ALPK1: variants seen among roughly 807,000 people sequenced by gnomAD.
ALPK1 encodes alpha kinase 1.
Under a neutral mutation model 120.6 loss-of-function variants are expected in ALPK1, and 110 were observed. The ratio of observed to expected loss-of-function variants is 0.91; its 90% CI spans 0.78 to 1.07. ALPK1 has a LOEUF of 1.07. Ranked by LOEUF, ALPK1 falls within the 50% of genes least tolerant of loss-of-function variation. ALPK1 has a pLI of 0.00. For missense variants in ALPK1, 1,498 were observed against 1,483.9 expected (o/e 1.01, Z -0.16); for synonymous variants, 582 against 560.3 (o/e 1.04, Z -0.55).
Position 112,312,594 on chromosome 4 carries a change from A to G in ALPK1, c.-152-3207A>G, listed in dbSNP as rs527705016. ...GCCTAGATTCTTAAAAATATATTAA[A>G]GACAAATACAGCATGGAGACTCTTT... On this transcript the variant is annotated intron_variant, in intron 1 of 15. Transcript: ENST00000650871. Among the ~76,000 whole-genome samples the G allele has an allele frequency of 2.0e-5, 3 of 152,326 alleles. No homozygotes were observed. The East Asian group carries it at 5.8e-4, about 29-fold the overall frequency.
intron 2 of ALPK1, among the ~76,000 whole-genome samples, chr4:112,318,737 C>G (rs772938881): frequency 6.6e-6 from 1 of 152,144 alleles, no homozygotes; most frequent in Non-Finnish European, 1.5e-5. Context: ...GCATGAGAAG[C>G]TGAAATGAAA....
At chr4:112,399,047 G>A (rs1476479408) in intron 4 of ALPK1, among the ~76,000 whole-genome samples, 1 of 152,180 alleles carries the variant, frequency 6.6e-6, no homozygotes, top group African/African-American at 2.4e-5. Context: ...TCCAACTTGG[G>A]CTATGGCGGG....
At chr4:112,386,550 T>C (rs1732160440) in intron 4 of ALPK1, among the ~76,000 whole-genome samples, 1 of 152,206 alleles carries the variant, frequency 6.6e-6, no homozygotes, top group East Asian at 1.9e-4. Flanking sequence ...GGTCACAGGC[T>C]ACGGCGACCT....
intron 2 of ALPK1, among the ~76,000 whole-genome samples, chr4:112,351,037 G>A (rs1175134581): frequency 6.6e-6 from 1 of 152,150 alleles, no homozygotes; most frequent in African/African-American, 2.4e-5. Flanking sequence ...GACTCACCTT[G>A]ACCTGAGATG....
chr4:112,424,027 A>G (rs760770272), intron 6 of ALPK1, 24 bp downstream of exon 6: 6 of 1,610,274 alleles, frequency 3.7e-6, no homozygotes, highest in South Asian at 3.3e-5. Flanking sequence ...TATCTTCACA[A>G]TGACTTTTAC....
At chr4:112,398,223 T>C (rs1336828605) in intron 4 of ALPK1, among the ~76,000 whole-genome samples, 2 of 152,058 alleles carry the variant, frequency 1.3e-5, no homozygotes, top group Admixed American at 1.3e-4. Context: ...TAAGAGTAAA[T>C]AGGTCAATGA....
intron 1 of ALPK1, among the ~76,000 whole-genome samples, chr4:112,315,079 C>T (rs1273713275): frequency 6.6e-6 from 1 of 151,822 alleles, no homozygotes; most frequent in East Asian, 1.9e-4. Context: ...AGGGTTTCAC[C>T]ATGTTTTGTC....
chr4:112,388,719 CA>C (rs1732265990), intron 4 of ALPK1, among the ~76,000 whole-genome samples: 1 of 151,232 alleles, frequency 6.6e-6, no homozygotes, highest in African/African-American at 2.4e-5. Flanking sequence ...TTTGACAGAA[CA>C]CTCAAAGAAG....
At chr4:112,342,617 G>T (rs998144152) in intron 2 of ALPK1, among the ~76,000 whole-genome samples, 2 of 152,164 alleles carry the variant, frequency 1.3e-5, no homozygotes, top group Non-Finnish European at 2.9e-5. Flanking sequence ...TCAAAAGCTA[G>T]TATAACACAA....
intron 4 of ALPK1, among the ~76,000 whole-genome samples, chr4:112,411,346 T>C (rs1733447865): frequency 1.3e-5 from 2 of 152,170 alleles, no homozygotes; most frequent in African/African-American, 4.8e-5. Context: ...CGCCTCAGCC[T>C]CCCGAGTAGC....
chr4:112,337,099 TTTA>T (rs1191661482), intron 2 of ALPK1, among the ~76,000 whole-genome samples: 4 of 152,250 alleles, frequency 2.6e-5, no homozygotes, highest in Middle Eastern at 6.8e-3. Context: ...GAGTCCTTTT[TTTA>T]TTAGATTTTC....
intron 2 of ALPK1, among the ~76,000 whole-genome samples, chr4:112,372,257 A>T (rs1341454688): frequency 6.8e-6 from 1 of 147,752 alleles, no homozygotes; most frequent in Admixed American, 6.9e-5. Flanking sequence ...TCTGTCGCTC[A>T]GGCTGGAGTG....
At chr4:112,408,989 A>AT (rs1189106266) in intron 4 of ALPK1, among the ~76,000 whole-genome samples, 1 of 152,254 alleles carries the variant, frequency 6.6e-6, no homozygotes, top group Non-Finnish European at 1.5e-5. Flanking sequence ...AATGGCACTC[A>AT]TGAAAACATG....
intron 4 of ALPK1, among the ~76,000 whole-genome samples, chr4:112,390,019 C>G (rs547832107): frequency 1.3e-5 from 2 of 152,334 alleles, no homozygotes; most frequent in African/African-American, 4.8e-5. Flanking sequence ...TAGCCTCACA[C>G]ATCTACCCCA....
intron 2 of ALPK1, chr4:112,356,333 G>A: frequency 2.2e-6 from 2 of 894,372 alleles, no homozygotes; most frequent in South Asian, 1.3e-5. Flanking sequence ...CACCATCTTT[G>A]CCTGCAATTT....
chr4:112,386,868 T>C (rs1336215026), intron 4 of ALPK1, among the ~76,000 whole-genome samples: 4 of 152,168 alleles, frequency 2.6e-5, no homozygotes, highest in Non-Finnish European at 5.9e-5. Flanking sequence ...AAAAATAAAA[T>C]TTCAAGGGAA....
intron 2 of ALPK1, among the ~76,000 whole-genome samples, chr4:112,321,199 T>C (rs1040109054): frequency 1.8e-4 from 27 of 152,150 alleles, no homozygotes; most frequent in African/African-American, 6.3e-4. Flanking sequence ...GCCCAGCCAA[T>C]ATCACCCGTT....
intron 2 of ALPK1, among the ~76,000 whole-genome samples, chr4:112,368,932 A>G (rs1022740315): frequency 6.6e-5 from 10 of 152,212 alleles, no homozygotes; most frequent in Non-Finnish European, 1.3e-4. Context: ...ACCTTACAAG[A>G]CAGTGAAACC....
At position 112,431,131 on chromosome 4, in the gene ALPK1, G is replaced by A. The variant is rs780345027; in HGVS notation, c.1584G>A (p.Gln528=). 6.2e-7 allele frequency: 1 copy of A among 1,614,190 alleles called. No individual in the cohort carries two copies. The highest frequency in any genetic ancestry group is 8.5e-7 in the Non-Finnish European group (1 of 1,180,046). The change falls in exon 11 of 16, where the codon CAG becomes CAA. Residue 528 remains glutamine, a synonymous_variant. Transcript: ENST00000650871. ...ISSSLMGKNV[Q]RELRRGGRRN... ...CCTCCCTAATGGGTAAGAATGTTCA[G>A]AGGGAACTCAGAAGGGGAGGAAGGA...
Sources: gnomAD v4.1 joint callset for allele counts (sites outside exome capture counted in the v4.1 genomes callset) on GRCh38, gnomAD v4.1.1 for gene constraint, MANE v1.5 for transcripts, NCBI Gene and HGNC (gene_info 2026-07-23, HGNC 2026-07-21) for gene names.